The following ZBBX variants were observed in gnomAD, a reference collection of about 807,000 sequenced individuals.
ZBBX encodes zinc finger B-box domain containing.
A neutral mutation model predicts 108.5 loss-of-function variants in ZBBX; 101 were observed. The observed-to-expected ratio is 0.93, with a 90% CI of 0.79 to 1.10. The LOEUF (loss-of-function observed/expected upper bound fraction) is 1.10. ZBBX is among the 50% of genes least tolerant of loss of function. The pLI is 0.00. For missense variants in ZBBX, 1,009 were observed against 941.4 expected, an observed-to-expected ratio of 1.07 and a Z score of -0.94; for synonymous variants, 356 against 323.4, an observed-to-expected ratio of 1.10 and a Z score of -1.08.
chr3:167,404,065 G>A (rs1028675296), intron 1 of ZBBX, among the ~76,000 whole-genome samples: 1 of 152,032 alleles, frequency 6.6e-6, no homozygotes, highest in Admixed American at 6.6e-5. Flanking sequence ...ACCCTCTACA[G>A]AAATTGCATT....
intron 8 of ZBBX, among the ~76,000 whole-genome samples, chr3:167,353,403 T>C (rs977038713): frequency 1.4e-4 from 21 of 152,076 alleles, no homozygotes; most frequent in African/African-American, 5.1e-4. Flanking sequence ...AGAAGTCAAA[T>C]ACTGCATGTA....
intron 8 of ZBBX, among the ~76,000 whole-genome samples, chr3:167,357,545 A>T (rs1374998631): frequency 6.6e-6 from 1 of 152,144 alleles, no homozygotes; most frequent in Non-Finnish European, 1.5e-5. Flanking sequence ...TTAAAGAGGT[A>T]TTTGTACACT....
upstream of ZBBX, among the ~76,000 whole-genome samples, chr3:167,383,884 A>T (rs142435417): frequency 3.5e-4 from 53 of 152,190 alleles, no homozygotes; most frequent in East Asian, 0.01. Flanking sequence ...TTAATATGTA[A>T]TGTATTAAGT....
In ZBBX at chr3:167,351,770, C is replaced by T. The variant is rs73879678; in HGVS notation, c.433-1255G>A. ...GAGTCCTGCCCAGAGACCACTGGTG[C>T]CCTTCCTGTCTGCAGGGCTGGGGAG... On this transcript the variant is annotated intron_variant, in intron 8 of 21. Coordinates refer to ENST00000675490, the MANE Select transcript of ZBBX (RefSeq NM_001199201.2). Among the ~76,000 whole-genome samples the T allele has an allele frequency of 2.8e-3, 428 of 152,252 alleles. 6 individuals carry two copies. The highest frequency in any genetic ancestry group is 9.6e-3 in the African/African-American group (399 of 41,550).
At position 167,282,395 on chromosome 3, in the gene ZBBX, A is replaced by C; in HGVS notation, c.2097T>G (p.Ser699Arg). 6.2e-7 allele frequency: 1 copy of C among 1,614,144 alleles called. No individual in the cohort carries two copies. Among genetic ancestry groups the C allele is most frequent in the Non-Finnish European group, 8.5e-7 (1 of 1,179,984 alleles). Reference sequence around the variant, plus strand: ...CTCTAGATGATGATTGAGCAGCTGCACTTCTTGATCGAGGATGAGAGGATG... The same window carrying C: ...CTCTAGATGATGATTGAGCAGCTGCCCTTCTTGATCGAGGATGAGAGGATG... ...CLSSSHPRSR[S>R]AAAQSSSRAA... is the part of the protein sequence containing the mutation. The change falls in exon 20 of 22, where the codon AGT (serine) becomes AGG (arginine). Residue 699 changes from serine to arginine, a missense_variant. Physicochemically the swap from Ser to Arg is moderately radical, Grantham distance 110. Transcript: ENST00000675490.
At chr3:167,362,819 G>A (rs1421087325) in intron 6 of ZBBX, among the ~76,000 whole-genome samples, 1 of 151,856 alleles carries the variant, frequency 6.6e-6, no homozygotes. Context: ...TTCAGCAAAG[G>A]TGCCTCTACT....
chr3:167,398,094 G>T (rs766895175), intron 1 of ZBBX, among the ~76,000 whole-genome samples: 5 of 151,886 alleles, frequency 3.3e-5, no homozygotes, highest in African/African-American at 9.7e-5. Context: ...AAATGAACGA[G>T]CTTCAATTCT....
chr3:167,276,771 C>T lies in ZBBX; in HGVS notation c.2254+5467G>A, dbSNP rs556999260. 2.1e-3 allele frequency among the ~76,000 whole-genome samples: 317 copies of T among 152,162 alleles called. 1 individual carries two copies. Among genetic ancestry groups the T allele is most frequent in the Non-Finnish European group, 3.6e-3 (246 of 68,006 alleles). On this transcript the variant is annotated intron_variant, in intron 20 of 21. Transcript: ENST00000675490. ...CCACAAAGATATTCCTCGAGAAGAGCAACTCCAAGACACATAATTGTCAGA... is the reference window on the plus strand; with the variant it reads ...CCACAAAGATATTCCTCGAGAAGAGTAACTCCAAGACACATAATTGTCAGA...
the ZBBX span, among the ~76,000 whole-genome samples, chr3:167,196,935 C>T: frequency 6.6e-6 from 1 of 152,098 alleles, no homozygotes; most frequent in Non-Finnish European, 1.5e-5. Flanking sequence ...AGTAGCTACT[C>T]CAAGCATCCT....
chr3:167,332,409 A>C (rs2108394545), intron 10 of ZBBX, among the ~76,000 whole-genome samples: 1 of 152,256 alleles, frequency 6.6e-6, no homozygotes, highest in East Asian at 1.9e-4. Context: ...TCATTGAATT[A>C]ATGGTTTTTA....
intron 12 of ZBBX, among the ~76,000 whole-genome samples, chr3:167,317,861 A>T (rs1288310737): frequency 6.6e-6 from 1 of 152,060 alleles, no homozygotes; most frequent in Non-Finnish European, 1.5e-5. Flanking sequence ...AATCAAAGTT[A>T]TGCTACAAGT....
chr3:167,314,191 G>A, intron 15 of ZBBX, 75 bp from the exon 16 acceptor site: 1 of 1,307,136 alleles, frequency 7.7e-7, no homozygotes, highest in South Asian at 1.7e-5. Flanking sequence ...AAAGTCCCAA[G>A]TCATTAAAAC....
intron 20 of ZBBX, among the ~76,000 whole-genome samples, chr3:167,274,019 A>C (rs1560054808): frequency 6.6e-6 from 1 of 152,232 alleles, no homozygotes; most frequent in African/African-American, 2.4e-5. Context: ...ATTAGGACCT[A>C]CTAGCCAAAT....
At chr3:167,303,572 C>A (rs375245599) in intron 17 of ZBBX, among the ~76,000 whole-genome samples, 1 of 152,060 alleles carries the variant, frequency 6.6e-6, no homozygotes, top group Admixed American at 6.6e-5. Context: ...ATTCAAGAGG[C>A]GAAATAACTA....
chr3:167,387,360 G>A (rs772906180), intron 1 of ZBBX, among the ~76,000 whole-genome samples: 11 of 151,944 alleles, frequency 7.2e-5, no homozygotes, highest in Non-Finnish European at 1.3e-4. Flanking sequence ...ATCAGAAAAA[G>A]GATACTTGCT....
Position 167,322,254 on chromosome 3 carries a change from A to G in ZBBX, c.863-17T>C. 7.0e-7 allele frequency: 1 copy of G among 1,431,904 alleles called. No homozygotes were observed. Among genetic ancestry groups the G allele is most frequent in the Non-Finnish European group, 9.2e-7 (1 of 1,089,250 alleles). 88.7% of individuals were successfully genotyped at this position (1,431,904 alleles called of 1,614,324 possible). A position where few individuals can be genotyped will look rare whatever the true frequency, so the allele number is the denominator to read the frequency against. ...CCAATGAGTCTGTAAAAATAAACAC[A>G]ATGTGCATAATTAAAATAAGCAAGT... On this transcript the variant is annotated splice_polypyrimidine_tract_variant and intron_variant, in intron 11 of 21. Transcript: ENST00000675490.
At chr3:167,330,965 C>CTCTCTCTCTCTCTCTCTCTCTCTCT (rs1738494843) in intron 10 of ZBBX, among the ~76,000 whole-genome samples, 4 of 146,914 alleles carry the variant, frequency 2.7e-5, no homozygotes, top group Non-Finnish European at 3.0e-5. Context: ...CTCTCTCTCT[C>CTCTCTCTCTCTCTCTCTCTCTCTCT]CCCCACTCCC....
intron 11 of ZBBX, among the ~76,000 whole-genome samples, chr3:167,325,235 C>G (rs541033484): frequency 6.6e-6 from 1 of 152,030 alleles, no homozygotes; most frequent in Non-Finnish European, 1.5e-5. Context: ...AAGACATACC[C>G]GAGACTGGGT....
the ZBBX span, among the ~76,000 whole-genome samples, chr3:167,197,075 T>C: frequency 1.3e-5 from 2 of 152,332 alleles, no homozygotes; most frequent in South Asian, 2.1e-4. Flanking sequence ...ATGGAAATGA[T>C]TGCAATGCAC....
Sources: allele counts gnomAD v4.1 joint callset (sites outside exome capture counted in the v4.1 genomes callset), GRCh38; gene constraint gnomAD v4.1.1; transcripts MANE v1.5; gene names NCBI Gene and HGNC (gene_info 2026-07-23, HGNC 2026-07-21).